The following MYO18B variants were observed in gnomAD, a reference collection of about 807,000 sequenced individuals.
MYO18B encodes unconventional myosin-XVIIIb.
Under a neutral mutation model 273.0 loss-of-function variants are expected in MYO18B, and 204 were observed. That is an observed-to-expected ratio of 0.75 (90% CI 0.67 to 0.84). The LOEUF (loss-of-function observed/expected upper bound fraction) is 0.84. MYO18B is among the 40% of genes least tolerant of loss of function. The pLI is 0.00. For missense variants in MYO18B, 3,212 were observed against 3,287.6 expected (o/e 0.98, Z 0.56); for synonymous variants, 1,330 against 1,305.7 (o/e 1.02, Z -0.40).
At chr22:25,914,620 C>G (rs999751574) in intron 33 of MYO18B, among the ~76,000 whole-genome samples, 1 of 139,798 alleles carries the variant, frequency 7.2e-6, no homozygotes, top group Admixed American at 7.2e-5. Context: ...CATACTTCAT[C>G]TGTAGGCTTT....
intron 39 of MYO18B, among the ~76,000 whole-genome samples, chr22:25,972,341 G>A (rs908329793): frequency 1.3e-5 from 2 of 152,106 alleles, no homozygotes; most frequent in African/African-American, 4.8e-5. Flanking sequence ...ATTATGTATA[G>A]CTTGTATTTA....
intron 39 of MYO18B, among the ~76,000 whole-genome samples, chr22:25,987,004 T>A (rs1334351349): frequency 6.6e-6 from 1 of 152,214 alleles, no homozygotes; most frequent in Admixed American, 6.5e-5. Flanking sequence ...AGCAACAAGA[T>A]GAATTTTCGT....
At chr22:25,959,854 G>A (rs2092898754) in intron 39 of MYO18B, among the ~76,000 whole-genome samples, 1 of 152,144 alleles carries the variant, frequency 6.6e-6, no homozygotes, top group Admixed American at 6.5e-5. Flanking sequence ...CTCTCACCAG[G>A]TCACCCTGCT....
intron 42 of MYO18B, among the ~76,000 whole-genome samples, chr22:26,006,017 T>A (rs990383596): frequency 2.0e-5 from 3 of 152,226 alleles, no homozygotes; most frequent in African/African-American, 7.2e-5. Flanking sequence ...AAGGGAATTG[T>A]GTCCTCTGTG....
intron 39 of MYO18B, among the ~76,000 whole-genome samples, chr22:25,977,779 A>G (rs950108397): frequency 6.6e-6 from 1 of 152,228 alleles, no homozygotes; most frequent in Non-Finnish European, 1.5e-5. Flanking sequence ...GTTATAGTCT[A>G]TGCAATGTGT....
At chr22:25,857,769 TCAGCCTCCTGAG>T (rs2090616842) in intron 21 of MYO18B, among the ~76,000 whole-genome samples, 1 of 152,232 alleles carries the variant, frequency 6.6e-6, no homozygotes, top group Admixed American at 6.5e-5. Context: ...TTCTCCTGCC[TCAGCCTCCTGAG>T]TAGCTGGGAC....
intron 22 of MYO18B, among the ~76,000 whole-genome samples, chr22:25,871,806 A>C (rs2091054764): frequency 6.6e-6 from 1 of 152,154 alleles, no homozygotes; most frequent in African/African-American, 2.4e-5. Context: ...AAAACAAAAA[A>C]CAAAAAACCA....
chr22:25,934,500 A>T (rs2146521860), intron 34 of MYO18B, among the ~76,000 whole-genome samples: 1 of 152,046 alleles, frequency 6.6e-6, no homozygotes, highest in African/African-American at 2.4e-5. Context: ...TAGAAAGTTT[A>T]TTTCTCCAAG....
intron 12 of MYO18B, among the ~76,000 whole-genome samples, chr22:25,820,982 C>A (rs1209343890): frequency 6.6e-6 from 1 of 152,234 alleles, no homozygotes; most frequent in African/African-American, 2.4e-5. Flanking sequence ...CAGTTCCACC[C>A]ATGTTGCCAT....
At chr22:25,833,879 C>G (rs2089802919) in intron 16 of MYO18B, among the ~76,000 whole-genome samples, 2 of 152,214 alleles carry the variant, frequency 1.3e-5, no homozygotes, top group Non-Finnish European at 1.5e-5. Flanking sequence ...CTCCTGCTGA[C>G]CAGAGATGGC....
Position 25,769,146 on chromosome 22 carries a change from T to A in MYO18B, c.1230T>A (p.Ser410Arg), listed in dbSNP as rs1568990812. ...GKSGNAGEAR[S>R]QTEKGCEAPK... is the part of the protein sequence containing the mutation. ...CCGGGAACGCAGGTGAAGCTCGGAG[T>A]CAGACAGAGAAGGGCTGTGAAGCCC... Residue 410 changes from serine (S) to arginine (R), a missense_variant, in exon 4 of 44, where the codon AGT (serine) becomes AGA (arginine). By Grantham distance (110) the Ser-to-Arg change is moderately radical (BLOSUM62 -1). Coordinates refer to ENST00000335473, the MANE Select transcript of MYO18B (RefSeq NM_032608.7). The A allele has an allele frequency of 6.2e-7, 1 of 1,612,732 alleles. No homozygotes were observed. The highest frequency in any genetic ancestry group is 8.5e-7 in the Non-Finnish European group (1 of 1,179,552).
At position 25,769,512 on chromosome 22, in the gene MYO18B, A is replaced by G. The variant is rs372885157; in HGVS notation, c.1512+84A>G. 3.6e-4 allele frequency: 412 copies of G among 1,132,022 alleles called. 4 individuals are homozygous for G. The African/African-American group carries it at 5.8e-3, about 16-fold the overall frequency. 70.1% of individuals were successfully genotyped at this position (1,132,022 alleles called of 1,614,324 possible). On this transcript the variant is annotated intron_variant, in intron 4 of 43. Coordinates refer to ENST00000335473, the MANE Select transcript of MYO18B (RefSeq NM_032608.7). ...GGGATGGGAAAGATCTGCCCCAGGGATGGACAAGGGGTGGACGGGGGGTGG... is the reference window on the plus strand; with the variant it reads ...GGGATGGGAAAGATCTGCCCCAGGGGTGGACAAGGGGTGGACGGGGGGTGG...
At chr22:25,895,439 G>A in intron 28 of MYO18B, 159 bp downstream of exon 28, 2 of 786,392 alleles carry the variant, frequency 2.5e-6, no homozygotes, top group Admixed American at 2.9e-5. Context: ...ACAAATGCTG[G>A]TCACTGTGAG....
intron 25 of MYO18B, among the ~76,000 whole-genome samples, chr22:25,881,460 T>C (rs2091332135): frequency 6.6e-6 from 1 of 152,190 alleles, no homozygotes; most frequent in Non-Finnish European, 1.5e-5. Flanking sequence ...GCAGCAACAA[T>C]GAGTAGAACA....
intron 14 of MYO18B, among the ~76,000 whole-genome samples, chr22:25,827,109 G>A (rs6004781): frequency 0.018 from 2,675 of 152,178 alleles, 102 homozygotes; most frequent in East Asian, 0.14. Flanking sequence ...TTGTAAAAAT[G>A]CCAATAATAA....
intron 38 of MYO18B, among the ~76,000 whole-genome samples, chr22:25,953,308 A>G (rs1263773045): frequency 6.6e-6 from 1 of 152,176 alleles, no homozygotes; most frequent in South Asian, 2.1e-4. Flanking sequence ...TGATGAGAAG[A>G]TGACCCCGGA....
chr22:25,835,224 T>A (rs764006708), intron 16 of MYO18B, 72 bp from the exon 17 acceptor site: 3 of 1,517,048 alleles, frequency 2.0e-6, no homozygotes, highest in Non-Finnish European at 2.6e-6. Context: ...TCCCTATCGG[T>A]GGGAAGAGAA....
chr22:25,843,684 CAG>C, intron 17 of MYO18B, 49 bp from the exon 18 acceptor site: 2 of 1,562,066 alleles, frequency 1.3e-6, no homozygotes, highest in East Asian at 2.3e-5. Context: ...CAGCTGATTG[CAG>C]AGTGTCCTCA....
chr22:25,787,309 C>CACACACACACACACAG lies in MYO18B; in HGVS notation c.2376+1819_2376+1820insCACACACACACACAGA, dbSNP rs57856007. Among the ~76,000 whole-genome samples, 609 of 144,752 alleles carry CACACACACACACACAG rather than the reference C, an allele frequency of 4.2e-3. 5 individuals carry two copies. The highest frequency in any genetic ancestry group is 0.012 in the African/African-American group (473 of 38,762). The allele number at this position is 144,752 out of a possible 152,430, so 95.0% of individuals were successfully genotyped here. On this transcript the variant is annotated intron_variant, in intron 11 of 43. Transcript: ENST00000335473. Reference sequence around the variant, plus strand: ...ACACACACACACACACACACACACACAGTCTGTCTTACACAGTGCTGAGTA... The same window carrying CACACACACACACACAG: ...ACACACACACACACACACACACACACACACACACACACACAGAGTCTGTCTTACACAGTGCTGAGTA...
Sources: gnomAD v4.1 joint callset for allele counts (sites outside exome capture counted in the v4.1 genomes callset) on GRCh38, gnomAD v4.1.1 for gene constraint, MANE v1.5 for transcripts, NCBI Gene and HGNC (gene_info 2026-07-23, HGNC 2026-07-21) for gene names.